LRP1B: variants seen among roughly 807,000 people sequenced by gnomAD.
LRP1B encodes the protein low-density lipoprotein receptor-related protein 1B.
A neutral mutation model predicts 556.6 loss-of-function variants in LRP1B; 217 were observed. The observed-to-expected ratio is 0.39, with a 90% CI of 0.35 to 0.44. The LOEUF (loss-of-function observed/expected upper bound fraction) is 0.44. Ranked by LOEUF, LRP1B falls within the 20% of genes least tolerant of loss-of-function variation. The pLI is 1.00. For synonymous variants in LRP1B, 2,047 were observed against 1,865.8 expected, an observed-to-expected ratio of 1.10 and a Z score of -2.50; for missense variants, 5,053 against 5,620.8, an observed-to-expected ratio of 0.90 and a Z score of 3.23.
chr2:141,111,184 A>T (rs1700740996), intron 7 of LRP1B, among the ~76,000 whole-genome samples: 1 of 152,198 alleles, frequency 6.6e-6, no homozygotes, highest in African/African-American at 2.4e-5. Context: ...CAAAAATGTC[A>T]GAAAAAAATT....
intron 2 of LRP1B, among the ~76,000 whole-genome samples, chr2:141,802,208 G>A (rs1174226088): frequency 2.6e-5 from 4 of 152,124 alleles, no homozygotes; most frequent in Non-Finnish European, 4.4e-5. Flanking sequence ...CGAGGAAAAT[G>A]TGTCTCAGTT....
chr2:140,605,689 T>A lies in LRP1B; in HGVS notation c.6800-4050A>T, dbSNP rs1048792471. ...CTTTCCTCCCTCCCTCCCTCCCTTT[T>A]TTCTTTCTTCCTTTTTTTGAGATTC... On this transcript the variant is annotated intron_variant, in intron 41 of 90. Transcript: ENST00000389484. Among the ~76,000 whole-genome samples, 9 of 151,922 alleles carry A rather than the reference T, an allele frequency of 5.9e-5. No homozygotes were observed. In the East Asian group the frequency reaches 1.4e-3, roughly 23 times the overall value.
chr2:141,531,435 C>A (rs1684867863), intron 2 of LRP1B, among the ~76,000 whole-genome samples: 1 of 151,882 alleles, frequency 6.6e-6, no homozygotes, highest in Non-Finnish European at 1.5e-5. Flanking sequence ...TTACTACAGG[C>A]TAAATAGCAC....
intron 7 of LRP1B, among the ~76,000 whole-genome samples, chr2:141,165,102 A>T (rs1355012239): frequency 6.6e-6 from 1 of 152,064 alleles, no homozygotes; most frequent in East Asian, 1.9e-4. Flanking sequence ...AAATGTCATT[A>T]GGCAGAGAGA....
At chr2:140,530,710 T>A (rs1273017055) in intron 47 of LRP1B, among the ~76,000 whole-genome samples, 1 of 152,140 alleles carries the variant, frequency 6.6e-6, no homozygotes, top group Non-Finnish European at 1.5e-5. Context: ...ATGAGAAATT[T>A]TAGTTTCAAA....
intron 31 of LRP1B, among the ~76,000 whole-genome samples, chr2:140,839,132 T>C (rs1242195422): frequency 1.3e-5 from 2 of 152,220 alleles, no homozygotes; most frequent in Non-Finnish European, 1.5e-5. Flanking sequence ...AAAGACTCAG[T>C]AGTTATACTG....
intron 43 of LRP1B, among the ~76,000 whole-genome samples, chr2:140,559,847 T>A (rs1680866903): frequency 6.6e-6 from 1 of 151,810 alleles, no homozygotes; most frequent in South Asian, 2.1e-4. Flanking sequence ...AGAAACTAAT[T>A]GAAATTGAAA....
chr2:141,193,481 CAG>C (rs932762111), intron 6 of LRP1B, among the ~76,000 whole-genome samples: 91 of 151,972 alleles, frequency 6.0e-4, no homozygotes, highest in African/African-American at 2.0e-3. Context: ...CAAACTAAGA[CAG>C]AAACAGAAAT....
chr2:141,554,198 T>C (rs931134775), intron 2 of LRP1B, among the ~76,000 whole-genome samples: 2 of 146,078 alleles, frequency 1.4e-5, no homozygotes, highest in African/African-American at 4.9e-5. Context: ...ATGGGTTATA[T>C]ATATCTATAG....
At chr2:141,085,428 C>T (rs563941368) in intron 7 of LRP1B, among the ~76,000 whole-genome samples, 9 of 152,172 alleles carry the variant, frequency 5.9e-5, no homozygotes, top group Admixed American at 1.3e-4. Flanking sequence ...AGTCTGCACA[C>T]CAATCTAATT....
Position 140,847,075 on chromosome 2 carries a change from A to C in LRP1B, c.4939+3027T>G, listed in dbSNP as rs562073772. On this transcript the variant is annotated intron_variant, in intron 29 of 90. Transcript: ENST00000389484. ...AGTTCCTTTATGTTCTTACTCTTTG[A>C]TATCTCTATAATTTGTGCATGTTCC... Among the ~76,000 whole-genome samples the C allele has an allele frequency of 1.6e-4, 25 of 152,168 alleles. No individual in the cohort carries two copies. The Middle Eastern group carries it at 0.01, about 62-fold the overall frequency.
chr2:141,863,787 A>G (rs1259300341), intron 1 of LRP1B, among the ~76,000 whole-genome samples: 1 of 152,008 alleles, frequency 6.6e-6, no homozygotes, highest in Non-Finnish European at 1.5e-5. Context: ...TATTTGATTC[A>G]TTGTCTTTTC....
intron 2 of LRP1B, among the ~76,000 whole-genome samples, chr2:141,488,016 G>A (rs1683182091): frequency 6.6e-6 from 1 of 152,118 alleles, no homozygotes; most frequent in Non-Finnish European, 1.5e-5. Context: ...CTAGGCAAAG[G>A]GGAGTTTTTT....
intron 33 of LRP1B, 137 bp from the exon 34 acceptor site, chr2:140,771,143 G>A (rs770489509): frequency 2.6e-5 from 15 of 575,230 alleles, no homozygotes; most frequent in Middle Eastern, 4.5e-4. Context: ...TAAAGATTAC[G>A]CTTTATTCTC....
intron 49 of LRP1B, 75 bp from the exon 50 acceptor site, chr2:140,517,086 C>T (rs2104940154): frequency 9.9e-7 from 1 of 1,013,960 alleles, no homozygotes; most frequent in South Asian, 1.4e-5. Context: ...CATTAATACT[C>T]CCTAAACTGA....
chr2:142,054,697 T>G (rs886068454), intron 1 of LRP1B, among the ~76,000 whole-genome samples: 1 of 152,138 alleles, frequency 6.6e-6, no homozygotes, highest in African/African-American at 2.4e-5. Context: ...CTCTGTCTTA[T>G]TCATCTACTG....
chr2:141,920,525 AG>A (rs2104972244), intron 1 of LRP1B, among the ~76,000 whole-genome samples: 1 of 152,174 alleles, frequency 6.6e-6, no homozygotes, highest in African/African-American at 2.4e-5. Flanking sequence ...ACAGGAGGAA[AG>A]GATGAGTTCA....
intron 1 of LRP1B, among the ~76,000 whole-genome samples, chr2:141,873,077 C>G (rs910594883): frequency 6.6e-6 from 1 of 151,814 alleles, no homozygotes; most frequent in Non-Finnish European, 1.5e-5. Flanking sequence ...GATTTATGAC[C>G]AAAGCAAAGG....
intron 1 of LRP1B, among the ~76,000 whole-genome samples, chr2:141,892,121 A>G (rs1421569139): frequency 2.0e-5 from 3 of 152,082 alleles, no homozygotes; most frequent in Non-Finnish European, 2.9e-5. Context: ...TTCTCTAACA[A>G]CTGTATTTCA....
Sources: gnomAD v4.1 joint callset for allele counts (sites outside exome capture counted in the v4.1 genomes callset) on GRCh38, gnomAD v4.1.1 for gene constraint, MANE v1.5 for transcripts, NCBI Gene and HGNC (gene_info 2026-07-23, HGNC 2026-07-21) for gene names.